NCKAP5: variants seen among roughly 807,000 people sequenced by gnomAD.
The protein encoded by NCKAP5 is NCK associated protein 5.
In NCKAP5, 92 loss-of-function variants were observed where a neutral mutation model predicts 167.0. The ratio of observed to expected loss-of-function variants is 0.55; its 90% confidence interval spans 0.47 to 0.66. NCKAP5 has a LOEUF of 0.66. NCKAP5 is among the 30% of genes least tolerant of loss of function. The probability of loss-of-function intolerance (pLI) is 0.00; values close to 1 mark genes in which losing one functional copy is unlikely to be tolerated. For missense variants in NCKAP5, 2,378 were observed against 2,315.0 expected (o/e 1.03, Z -0.56); for synonymous variants, 891 against 877.4 (o/e 1.02, Z -0.27).
intron 7 of NCKAP5, among the ~76,000 whole-genome samples, chr2:132,978,098 G>C (rs193078096): frequency 2.0e-4 from 30 of 152,270 alleles, no homozygotes; most frequent in African/African-American, 6.7e-4. Context: ...CAGGAAATAA[G>C]TATGATCCTC....
rs528620759 is a variant in NCKAP5, at chr2:133,244,793, T to C, written c.144-31014A>G. On this transcript the variant is annotated intron_variant, in intron 4 of 19. Coordinates refer to ENST00000409261, the MANE Select transcript of NCKAP5 (RefSeq NM_207363.3). Reference sequence around the variant, plus strand: ...AAAGTAACTCTTAATCTTTAATTCATACCACAAACAAAACTCAATTCCTGA... The same window carrying C: ...AAAGTAACTCTTAATCTTTAATTCACACCACAAACAAAACTCAATTCCTGA... Among the ~76,000 whole-genome samples the C allele has an allele frequency of 2.6e-5, 4 of 152,224 alleles. No individual in the cohort carries two copies. In the East Asian group the frequency reaches 5.8e-4, roughly 22 times the overall value.
At chr2:132,895,834 CAA>C (rs796888286) in intron 8 of NCKAP5, among the ~76,000 whole-genome samples, 1 of 85,746 alleles carries the variant, frequency 1.2e-5, no homozygotes, top group East Asian at 3.1e-4. Flanking sequence ...AAAAAAAAAA[CAA>C]AAAAAAAAAC....
rs527705526 is a variant in NCKAP5, at chr2:133,236,070, CAAAAAAAAAAAAAAAAA to C, written c.144-22308_144-22292del. Among the ~76,000 whole-genome samples the C allele has an allele frequency of 2.6e-4, 4 of 15,656 alleles. No individual in the cohort carries two copies. In the Admixed American group the frequency reaches 3.7e-3, roughly 14 times the overall value. 10.3% of individuals were successfully genotyped at this position (15,656 alleles called of 152,430 possible). ...GACAAATCAAGACCCTGTCTCAGACCAAAAAAAAAAAAAAAAAAAAAAAAAAAAAGCTGTGATATGTC... is the reference window on the plus strand; with the variant it reads ...GACAAATCAAGACCCTGTCTCAGACCAAAAAAAAAAAAGCTGTGATATGTC... On this transcript the variant is annotated intron_variant, in intron 4 of 19. Transcript: ENST00000409261.
chr2:133,632,696 A>G, the NCKAP5 span, among the ~76,000 whole-genome samples: 1 of 152,116 alleles, frequency 6.6e-6, no homozygotes, highest in African/African-American at 2.4e-5. Flanking sequence ...TTCTGTATTC[A>G]CCAAGATGTC....
intron 5 of NCKAP5, among the ~76,000 whole-genome samples, chr2:133,212,578 C>T (rs1184334381): frequency 1.3e-5 from 2 of 152,068 alleles, no homozygotes; most frequent in Non-Finnish European, 2.9e-5. Flanking sequence ...ATGTTGGCCA[C>T]GCTGGTCTCC....
Position 133,456,856 on chromosome 2 carries a change from C to T in NCKAP5, c.69+60602G>A, listed in dbSNP as rs77245068. Among the ~76,000 whole-genome samples the T allele has an allele frequency of 2.9e-3, 446 of 152,316 alleles. 2 individuals are homozygous for T. The highest frequency in any genetic ancestry group is 0.01 in the African/African-American group (432 of 41,582). On this transcript the variant is annotated intron_variant, in intron 3 of 19. Transcript: ENST00000409261. ...CAGTCTAAGTAGTGTCAAACCCACA[C>T]ATTTAACCACCTTTCTCTCAGCAAC...
chr2:133,590,926 TGA>T, the NCKAP5 span, among the ~76,000 whole-genome samples: 948 of 150,840 alleles, frequency 6.3e-3, 27 homozygotes, highest in Admixed American at 0.053. Flanking sequence ...CATGTGTGTG[TGA>T]GAGAGAGAGA....
chr2:133,307,153 G>A (rs534576321), intron 3 of NCKAP5, among the ~76,000 whole-genome samples: 1 of 152,190 alleles, frequency 6.6e-6, no homozygotes, highest in East Asian at 1.9e-4. Flanking sequence ...TTAGAATTAC[G>A]AAACCCACCT....
chr2:132,971,727 A>G (rs2076840836), intron 7 of NCKAP5, among the ~76,000 whole-genome samples: 1 of 152,220 alleles, frequency 6.6e-6, no homozygotes, highest in African/African-American at 2.4e-5. Flanking sequence ...AACAGTGACA[A>G]GCAACATTTC....
chr2:132,906,372 T>C (rs139850864), intron 8 of NCKAP5, among the ~76,000 whole-genome samples: 60 of 152,286 alleles, frequency 3.9e-4, no homozygotes, highest in African/African-American at 1.3e-3. Flanking sequence ...CAGAAGCAGA[T>C]GGCTATTTTC....
chr2:132,781,467 G>A (rs982192216), intron 14 of NCKAP5, among the ~76,000 whole-genome samples: 1 of 151,964 alleles, frequency 6.6e-6, no homozygotes, highest in African/African-American at 2.4e-5. Context: ...TTGTGGAGAG[G>A]GGCAAAATAA....
chr2:133,244,157 C>A (rs59127222), intron 4 of NCKAP5, among the ~76,000 whole-genome samples: 8,120 of 152,172 alleles, frequency 0.053, 694 homozygotes, highest in African/African-American at 0.18. Context: ...TTATTTCCTT[C>A]ACTATATTTA....
chr2:133,191,900 C>T (rs1046681590), intron 5 of NCKAP5, among the ~76,000 whole-genome samples: 2 of 151,834 alleles, frequency 1.3e-5, no homozygotes, highest in Non-Finnish European at 2.9e-5. Flanking sequence ...CACATGTACC[C>T]TAGAACTTAA....
chr2:133,315,497 C>A (rs145675970), intron 3 of NCKAP5, among the ~76,000 whole-genome samples: 67 of 152,088 alleles, frequency 4.4e-4, no homozygotes, highest in Middle Eastern at 3.4e-3. Flanking sequence ...AGATGTCAAC[C>A]AGGTCGTTAG....
chr2:133,262,319 A>G (rs566031830), intron 4 of NCKAP5, among the ~76,000 whole-genome samples: 5 of 152,270 alleles, frequency 3.3e-5, no homozygotes, highest in South Asian at 4.1e-4. Context: ...GAGTTCCCAA[A>G]TCTCCGGCTA....
At chr2:133,184,809 T>C (rs1264901747) in intron 5 of NCKAP5, among the ~76,000 whole-genome samples, 1 of 151,896 alleles carries the variant, frequency 6.6e-6, no homozygotes, top group Admixed American at 6.6e-5. Context: ...TTTTAAGGGG[T>C]TGGTTTGTAT....
chr2:132,974,336 A>G (rs2076916238), intron 7 of NCKAP5, among the ~76,000 whole-genome samples: 1 of 152,242 alleles, frequency 6.6e-6, no homozygotes, highest in Non-Finnish European at 1.5e-5. Context: ...TGAGGCAGAG[A>G]TCAGGGTGGT....
chr2:133,666,819 C>T, the NCKAP5 span, among the ~76,000 whole-genome samples: 2 of 151,906 alleles, frequency 1.3e-5, no homozygotes, highest in Non-Finnish European at 2.9e-5. Flanking sequence ...GACAGCCTGT[C>T]TCATAGCAAC....
At chr2:133,658,661 A>G in the NCKAP5 span, among the ~76,000 whole-genome samples, 2 of 152,030 alleles carry the variant, frequency 1.3e-5, no homozygotes, top group Admixed American at 6.6e-5. Flanking sequence ...AGTCAGGCTC[A>G]CTCACAGTGC....
Sources: gnomAD v4.1 joint callset for allele counts (sites outside exome capture counted in the v4.1 genomes callset) on GRCh38, gnomAD v4.1.1 for gene constraint, MANE v1.5 for transcripts, NCBI Gene and HGNC (gene_info 2026-07-23, HGNC 2026-07-21) for gene names.